The following EPHA6 variants were observed in gnomAD, a reference collection of about 807,000 sequenced individuals.
EPHA6 encodes the protein EPH receptor A6, also known as ephrin type-A receptor 6.
EPHA6 carries 50 observed loss-of-function variants against 112.0 expected under a neutral mutation model. The ratio of observed to expected loss-of-function variants is 0.45; its 90% confidence interval spans 0.36 to 0.56. The LOEUF is 0.56. EPHA6 is among the 20% of genes least tolerant of loss of function. EPHA6 has a pLI of 0.00. For missense variants in EPHA6, 1,280 were observed against 1,417.4 expected (o/e 0.90, Z 1.56); for synonymous variants, 529 against 490.7 (o/e 1.08, Z -1.03).
intron 11 of EPHA6, among the ~76,000 whole-genome samples, chr3:97,565,819 C>T (rs976300573): frequency 6.6e-6 from 1 of 151,832 alleles, no homozygotes; most frequent in African/African-American, 2.4e-5. Context: ...GAGATCAAGA[C>T]CATCCTGAGC....
chr3:97,200,570 A>C (rs1576670310), intron 3 of EPHA6, among the ~76,000 whole-genome samples: 1 of 152,164 alleles, frequency 6.6e-6, no homozygotes, highest in East Asian at 1.9e-4. Context: ...CCAGCAATGA[A>C]AGCATGCAGA....
Position 97,274,928 on chromosome 3 carries a change from C to T in EPHA6, c.1606+30641C>T, listed in dbSNP as rs536631412. Among the ~76,000 whole-genome samples the T allele has an allele frequency of 5.3e-5, 8 of 152,028 alleles. No individual in the cohort carries two copies. In the South Asian group the frequency reaches 1.2e-3, roughly 24 times the overall value. On this transcript the variant is annotated intron_variant, in intron 5 of 17. Transcript: ENST00000389672. ...AAAGAGTGAGTATAGCTGAAGGAGC[C>T]GGGGAGCAGAAACTATATGCGTCAG...
intron 14 of EPHA6, among the ~76,000 whole-genome samples, chr3:97,655,148 A>G (rs1365313217): frequency 6.7e-6 from 1 of 148,988 alleles, no homozygotes; most frequent in Non-Finnish European, 1.5e-5. Flanking sequence ...ATACATATAT[A>G]TGTTTTTTGT....
intron 14 of EPHA6, among the ~76,000 whole-genome samples, chr3:97,706,654 T>A (rs1297339256): frequency 1.3e-5 from 2 of 152,148 alleles, no homozygotes; most frequent in Non-Finnish European, 2.9e-5. Flanking sequence ...TCTGAAGGGG[T>A]GTCCTAGTCT....
At chr3:96,860,988 A>G (rs548310946) in intron 1 of EPHA6, among the ~76,000 whole-genome samples, 2 of 152,070 alleles carry the variant, frequency 1.3e-5, no homozygotes, top group Non-Finnish European at 2.9e-5. Flanking sequence ...ATAAATATCA[A>G]TGACCTTGCT....
intron 3 of EPHA6, among the ~76,000 whole-genome samples, chr3:97,037,476 G>A (rs1023031712): frequency 6.6e-6 from 1 of 151,986 alleles, no homozygotes; most frequent in Non-Finnish European, 1.5e-5. Context: ...TTTGACATTT[G>A]CAAGAGAATA....
intron 5 of EPHA6, among the ~76,000 whole-genome samples, chr3:97,348,060 G>T (rs943896819): frequency 6.6e-6 from 1 of 151,664 alleles, no homozygotes. Context: ...TTTTGTGTTT[G>T]TACATGAAAT....
chr3:96,815,108 CAG>C, intron 1 of EPHA6, 100 bp downstream of exon 1: 1 of 1,201,930 alleles, frequency 8.3e-7, no homozygotes, highest in East Asian at 2.6e-5. Flanking sequence ...GTACAGGGGT[CAG>C]AGTCTCCTGG....
At chr3:97,049,232 A>G (rs1159043617) in intron 3 of EPHA6, among the ~76,000 whole-genome samples, 2 of 152,162 alleles carry the variant, frequency 1.3e-5, no homozygotes, top group East Asian at 1.9e-4. Context: ...GATAAGTGTT[A>G]TGGTCTGACT....
At chr3:97,675,623 G>A (rs932439198) in intron 14 of EPHA6, among the ~76,000 whole-genome samples, 2 of 152,060 alleles carry the variant, frequency 1.3e-5, no homozygotes, top group Admixed American at 6.5e-5. Context: ...GATACATGTG[G>A]CAATAATCTT....
intron 2 of EPHA6, among the ~76,000 whole-genome samples, chr3:96,967,682 TTGTGTGTG>T (rs149291564): frequency 6.7e-6 from 1 of 149,274 alleles, no homozygotes; most frequent in Non-Finnish European, 1.5e-5. Context: ...TGAGTAACAG[TTGTGTGTG>T]TGTGTGTGTG....
chr3:97,644,072 G>C (rs902329871), intron 14 of EPHA6, among the ~76,000 whole-genome samples: 1 of 151,284 alleles, frequency 6.6e-6, no homozygotes, highest in Non-Finnish European at 1.5e-5. Context: ...AAAGAACAGA[G>C]ATTATAACAA....
At chr3:97,041,229 T>C (rs1424531677) in intron 3 of EPHA6, among the ~76,000 whole-genome samples, 2 of 152,112 alleles carry the variant, frequency 1.3e-5, no homozygotes, top group East Asian at 3.9e-4. Context: ...ATACACCTTT[T>C]TTTAGAGCAT....
chr3:97,758,657 C>A lies in EPHA6; in HGVS notation c.*9956C>A. On this transcript the variant is annotated 3_prime_UTR_variant, in exon 18 of 18. Coordinates refer to ENST00000389672, the MANE Select transcript of EPHA6 (RefSeq NM_001080448.3). ...GCTGTGCTTATAATTAAAAATGTTA[C>A]ATAGCATGACTGTGGCTCCTTTAAG... 6.6e-6 allele frequency among the ~76,000 whole-genome samples: 1 copy of A among 151,936 alleles called. No homozygotes were observed. Among genetic ancestry groups the A allele is most frequent in the East Asian group, 1.9e-4 (1 of 5,190 alleles).
chr3:97,482,260 G>T (rs2091574626), intron 9 of EPHA6, among the ~76,000 whole-genome samples: 1 of 152,258 alleles, frequency 6.6e-6, no homozygotes, highest in African/African-American at 2.4e-5. Flanking sequence ...TCTGTGCCTA[G>T]CATAATATTA....
At chr3:97,731,543 G>A (rs1205336725) in intron 15 of EPHA6, among the ~76,000 whole-genome samples, 1 of 151,996 alleles carries the variant, frequency 6.6e-6, no homozygotes, top group African/African-American at 2.4e-5. Context: ...CCATTACTGT[G>A]ATCGAGAGGC....
intron 3 of EPHA6, among the ~76,000 whole-genome samples, chr3:97,209,908 C>CGAATGTCT (rs1559800129): frequency 6.6e-6 from 1 of 152,014 alleles, no homozygotes; most frequent in African/African-American, 2.4e-5. Context: ...GGTTGAAAGA[C>CGAATGTCT]GAATGTCTTA....
intron 6 of EPHA6, among the ~76,000 whole-genome samples, chr3:97,428,208 G>A (rs1185642157): frequency 2.0e-5 from 3 of 151,896 alleles, no homozygotes; most frequent in Non-Finnish European, 4.4e-5. Flanking sequence ...AAAAACATAC[G>A]AAACTAAACA....
At chr3:97,020,666 G>T (rs2044426146) in intron 3 of EPHA6, among the ~76,000 whole-genome samples, 1 of 152,192 alleles carries the variant, frequency 6.6e-6, no homozygotes, top group South Asian at 2.1e-4. Context: ...TTCACAGGAA[G>T]AGATTCCCAC....
Sources: allele counts gnomAD v4.1 joint callset (sites outside exome capture counted in the v4.1 genomes callset), GRCh38; gene constraint gnomAD v4.1.1; transcripts MANE v1.5; gene names NCBI Gene and HGNC (gene_info 2026-07-23, HGNC 2026-07-21).